Variants in CDYL observed in about 807,000 individuals in gnomAD.
The protein encoded by CDYL is chromodomain Y like.
Under a neutral mutation model 47.3 loss-of-function variants are expected in CDYL, and 8 were observed. That is an observed-to-expected ratio of 0.17 (90% CI 0.10 to 0.31). The LOEUF (loss-of-function observed/expected upper bound fraction) is 0.31. Among genes scored for constraint, CDYL ranks in the 10% least tolerant of loss-of-function variants. CDYL has a pLI of 1.00. For synonymous variants in CDYL, 266 were observed against 265.0 expected, an observed-to-expected ratio of 1.00 and a Z score of -0.04; for missense variants, 471 against 701.4, an observed-to-expected ratio of 0.67 and a Z score of 3.71.
rs1561716411 is a variant in CDYL, at chr6:4,933,261, C to CGAGG, written c.692-2254_692-2253insGAGG. 2.8e-3 allele frequency among the ~76,000 whole-genome samples: 431 copies of CGAGG among 152,324 alleles called. 2 individuals are homozygous for CGAGG. The highest frequency in any genetic ancestry group is 7.7e-3 in the African/African-American group (320 of 41,564). ...AAGTACCTCTCTCCAACCCTGACTTCCCTCCCCTGATCTAGATGTGCACTT... is the reference window on the plus strand; with the variant it reads ...AAGTACCTCTCTCCAACCCTGACTTCGAGGCCTCCCCTGATCTAGATGTGCACTT... On this transcript the variant is annotated intron_variant, in intron 2 of 6. Coordinates refer to ENST00000397588, the MANE Select transcript of CDYL (RefSeq NM_004824.4).
At chr6:4,946,320 G>C (rs1421260163) in intron 5 of CDYL, among the ~76,000 whole-genome samples, 2 of 152,330 alleles carry the variant, frequency 1.3e-5, no homozygotes, top group Admixed American at 1.3e-4. Flanking sequence ...CCTGCTGGCA[G>C]CTAGTGTTAT....
intron 5 of CDYL, among the ~76,000 whole-genome samples, chr6:4,951,616 C>T (rs955412890): frequency 2.0e-5 from 3 of 151,866 alleles, no homozygotes; most frequent in Non-Finnish European, 2.9e-5. Context: ...GGTCATTTTT[C>T]GCCACATTCA....
rs1472259383 is a variant in CDYL at position 4,850,137 on chromosome 6, AC to A, written c.25-41575del. Among the ~76,000 whole-genome samples, 4 of 152,340 alleles carry A rather than the reference AC, an allele frequency of 2.6e-5. No homozygotes were observed. In the East Asian group the frequency reaches 7.7e-4, roughly 29 times the overall value. On this transcript the variant is annotated intron_variant, in intron 1 of 6. Coordinates refer to ENST00000397588, the MANE Select transcript of CDYL (RefSeq NM_004824.4). Reference sequence around the variant, plus strand: ...GGGCCTTATAATTGCACATAGGATAACTGTATTTGCTTACTGAATCTTCATA... The same window carrying A: ...GGGCCTTATAATTGCACATAGGATAATGTATTTGCTTACTGAATCTTCATA...
intron 2 of CDYL, among the ~76,000 whole-genome samples, chr6:4,721,136 T>C (rs1455798809): frequency 1.3e-5 from 2 of 152,226 alleles, no homozygotes; most frequent in East Asian, 3.8e-4. Flanking sequence ...TTTCTCAGGA[T>C]AACCATATGC....
At chr6:4,852,053 C>T (rs550042392) in intron 1 of CDYL, among the ~76,000 whole-genome samples, 5 of 152,260 alleles carry the variant, frequency 3.3e-5, no homozygotes, top group African/African-American at 9.6e-5. Flanking sequence ...TTCTGTAAAG[C>T]GATGGCTTCC....
intron 1 of CDYL, among the ~76,000 whole-genome samples, chr6:4,710,132 G>C (rs936772918): frequency 5.3e-5 from 8 of 152,128 alleles, no homozygotes; most frequent in African/African-American, 1.9e-4. Context: ...CGAGGCAGGA[G>C]AATCACTTGA....
rs1758548198 is a variant in CDYL at position 4,779,241 on chromosome 6, G to C, written c.24+2434G>C. Among the ~76,000 whole-genome samples, 5 of 150,542 alleles carry C rather than the reference G, an allele frequency of 3.3e-5. No homozygotes were observed. In the South Asian group the frequency reaches 1.1e-3, roughly 32 times the overall value. On this transcript the variant is annotated intron_variant, in intron 1 of 6. Transcript: ENST00000397588. Reference sequence around the variant, plus strand: ...ATGTTTTGTGGCCAAGTCAAGGGTTGTTAGTTGCCTTGTTTTGTCCAGTTC... The same window carrying C: ...ATGTTTTGTGGCCAAGTCAAGGGTTCTTAGTTGCCTTGTTTTGTCCAGTTC...
intron 1 of CDYL, among the ~76,000 whole-genome samples, chr6:4,825,559 T>G (rs931811616): frequency 2.0e-5 from 3 of 152,232 alleles, no homozygotes; most frequent in Admixed American, 6.5e-5. Context: ...AGTTAGATTT[T>G]ATCAGTGCCT....
chr6:4,823,972 G>A lies in CDYL; in HGVS notation c.24+47165G>A, dbSNP rs146316167. On this transcript the variant is annotated intron_variant, in intron 1 of 6. Coordinates refer to ENST00000397588, the MANE Select transcript of CDYL (RefSeq NM_004824.4). ...CCTATTCTAGATATTTGATATAAGG[G>A]AGATCTTGTAGTATTTGTCCTTTTG... Among the ~76,000 whole-genome samples, 201 of 152,288 alleles carry A rather than the reference G, an allele frequency of 1.3e-3. 2 individuals carry two copies. Among genetic ancestry groups the A allele is most frequent in the African/African-American group, 4.7e-3 (197 of 41,568 alleles).
intron 2 of CDYL, among the ~76,000 whole-genome samples, chr6:4,908,260 C>T (rs1372717304): frequency 6.6e-6 from 1 of 152,148 alleles, no homozygotes; most frequent in South Asian, 2.1e-4. Context: ...TCCTTGGCAG[C>T]ACCTGGTTAA....
At chr6:4,910,035 C>CT (rs56321910) in intron 2 of CDYL, among the ~76,000 whole-genome samples, 127 of 148,056 alleles carry the variant, frequency 8.6e-4, no homozygotes, top group African/African-American at 3.0e-3. Flanking sequence ...ACACACATAC[C>CT]TTTTTTTTTT....
intron 1 of CDYL, among the ~76,000 whole-genome samples, chr6:4,828,628 G>C (rs1760049643): frequency 6.6e-6 from 1 of 152,114 alleles, no homozygotes; most frequent in Admixed American, 6.5e-5. Context: ...GCTTGGAATT[G>C]ATTGGCTTTG....
At chr6:4,743,260 T>C (rs1757829811) in intron 3 of CDYL, among the ~76,000 whole-genome samples, 3 of 152,194 alleles carry the variant, frequency 2.0e-5, no homozygotes, top group African/African-American at 2.4e-5. Context: ...GCCACAGCCT[T>C]ATCTCCTGCC....
At chr6:4,841,550 G>A (rs1370956062) in intron 1 of CDYL, among the ~76,000 whole-genome samples, 5 of 152,036 alleles carry the variant, frequency 3.3e-5, no homozygotes, top group African/African-American at 7.2e-5. Context: ...TTTCCACTTA[G>A]CATTGCCTTT....
intron 2 of CDYL, among the ~76,000 whole-genome samples, chr6:4,729,483 C>T (rs1286843361): frequency 6.6e-6 from 1 of 151,850 alleles, no homozygotes; most frequent in African/African-American, 2.4e-5. Context: ...TTATACATTG[C>T]TTTAGAGAAG....
chr6:4,722,881 A>G (rs1187524705), intron 2 of CDYL, among the ~76,000 whole-genome samples: 3 of 152,204 alleles, frequency 2.0e-5, no homozygotes, highest in Non-Finnish European at 4.4e-5. Flanking sequence ...TTGTCTCAAA[A>G]AATAAAATAA....
Position 4,760,389 on chromosome 6 carries a change from T to A in CDYL, c.186+25545T>A, listed in dbSNP as rs201242710. 6.5e-3 allele frequency among the ~76,000 whole-genome samples: 915 copies of A among 139,732 alleles called. 15 individuals carry two copies. Among genetic ancestry groups the A allele is most frequent in the East Asian group, 0.036 (177 of 4,944 alleles). 91.7% of individuals were successfully genotyped at this position (139,732 alleles called of 152,430 possible). On this transcript the variant is annotated intron_variant, in intron 3 of 8. Coordinates refer to the CDYL transcript ENST00000328908. Reference sequence around the variant, plus strand: ...CAGCAATACAAAAAAAAAAAAAAAATGATGACCCAAGTAGAAAGTATGCCC... The same window carrying A: ...CAGCAATACAAAAAAAAAAAAAAAAAGATGACCCAAGTAGAAAGTATGCCC...
intron 2 of CDYL, among the ~76,000 whole-genome samples, chr6:4,898,480 T>C (rs1308904723): frequency 1.3e-5 from 2 of 152,198 alleles, no homozygotes; most frequent in East Asian, 1.9e-4. Context: ...GCTTATTCTT[T>C]TCAAGAGCAA....
chr6:4,898,077 G>T (rs1420506452), intron 2 of CDYL, among the ~76,000 whole-genome samples: 1 of 151,914 alleles, frequency 6.6e-6, no homozygotes, highest in African/African-American at 2.4e-5. Context: ...AAAAATCCAG[G>T]CATGGTGACT....
Sources: allele counts gnomAD v4.1 joint callset (sites outside exome capture counted in the v4.1 genomes callset), GRCh38; gene constraint gnomAD v4.1.1; transcripts MANE v1.5; gene names NCBI Gene and HGNC (gene_info 2026-07-23, HGNC 2026-07-21).